The following MYO1D variants were observed in gnomAD, a reference collection of about 807,000 sequenced individuals.
MYO1D encodes myosin ID, also known as unconventional myosin-Id.
MYO1D carries 83 observed loss-of-function variants against 122.0 expected under a neutral mutation model. That is an observed-to-expected ratio of 0.68 (90% CI 0.57 to 0.82). MYO1D has a LOEUF of 0.82. Ranked by LOEUF, MYO1D falls within the 40% of genes least tolerant of loss-of-function variation. The pLI is 0.00. For missense variants in MYO1D, 1,157 were observed against 1,269.5 expected (o/e 0.91, Z 1.35); for synonymous variants, 464 against 446.9 (o/e 1.04, Z -0.48).
chr17:32,831,612 A>G (rs1374422678), intron 1 of MYO1D, among the ~76,000 whole-genome samples: 2 of 152,274 alleles, frequency 1.3e-5, no homozygotes, highest in African/African-American at 4.8e-5. Context: ...AAATCTAAAT[A>G]AACAAGGTAA....
At chr17:32,597,367 T>C (rs867342544) in intron 21 of MYO1D, among the ~76,000 whole-genome samples, 1 of 152,290 alleles carries the variant, frequency 6.6e-6, no homozygotes, top group Middle Eastern at 3.4e-3. Flanking sequence ...TTCCCAGATA[T>C]AGCCTGTATT....
At chr17:32,521,824 C>T (rs1222029041) in intron 21 of MYO1D, among the ~76,000 whole-genome samples, 1 of 152,118 alleles carries the variant, frequency 6.6e-6, no homozygotes, top group Admixed American at 6.5e-5. Context: ...TGGCTCACGC[C>T]TGTAATCCCC....
intron 16 of MYO1D, among the ~76,000 whole-genome samples, chr17:32,677,958 A>C (rs970216729): frequency 6.6e-6 from 1 of 152,166 alleles, no homozygotes; most frequent in African/African-American, 2.4e-5. Flanking sequence ...GTGTCCTTCC[A>C]GAAAACCAAA....
rs556131372 is a variant in MYO1D, at chr17:32,642,064, G to T, written c.2596-3229C>A. Among the ~76,000 whole-genome samples, 4 of 152,272 alleles carry T rather than the reference G, an allele frequency of 2.6e-5. No individual in the cohort carries two copies. In the South Asian group the frequency reaches 6.2e-4, roughly 24 times the overall value. On this transcript the variant is annotated intron_variant, in intron 19 of 21. Transcript: ENST00000318217. ...TCTTCTAGGGTTTTTATGGTTTTAG[G>T]TCTAACATTTTAGTCTTTAATCCAT...
chr17:32,780,100 T>C (rs1301733371), intron 2 of MYO1D, among the ~76,000 whole-genome samples: 1 of 152,146 alleles, frequency 6.6e-6, no homozygotes, highest in Non-Finnish European at 1.5e-5. Flanking sequence ...TCCCCCCTTG[T>C]TGGGCTTCAA....
intron 20 of MYO1D, among the ~76,000 whole-genome samples, chr17:32,638,055 G>A (rs1419119940): frequency 2.0e-5 from 3 of 152,154 alleles, no homozygotes; most frequent in Non-Finnish European, 4.4e-5. Flanking sequence ...CACCTGACAC[G>A]TGAAAAGATC....
chr17:32,501,150 G>A (rs1484449673), intron 21 of MYO1D, among the ~76,000 whole-genome samples: 2 of 152,130 alleles, frequency 1.3e-5, no homozygotes, highest in African/African-American at 4.8e-5. Flanking sequence ...ATACATGAAT[G>A]TTCATGGCAG....
chr17:32,742,862 C>T (rs2151005359), intron 13 of MYO1D, among the ~76,000 whole-genome samples: 1 of 152,272 alleles, frequency 6.6e-6, no homozygotes, highest in African/African-American at 2.4e-5. Context: ...TCTCTATATT[C>T]TCATTTCCTG....
At chr17:32,522,081 C>CAA (rs35096680) in intron 21 of MYO1D, among the ~76,000 whole-genome samples, 313 of 63,116 alleles carry the variant, frequency 5.0e-3, no homozygotes, top group East Asian at 6.4e-3. Flanking sequence ...GACTCTGTCT[C>CAA]AAAAAAAAAA....
chr17:32,540,747 G>A (rs1314615076), intron 21 of MYO1D, among the ~76,000 whole-genome samples: 3 of 151,892 alleles, frequency 2.0e-5, no homozygotes, highest in Admixed American at 6.6e-5. Flanking sequence ...ACAACATGGT[G>A]AAACCCCGTC....
chr17:32,652,886 A>T (rs1175851815), intron 19 of MYO1D, among the ~76,000 whole-genome samples: 2 of 152,236 alleles, frequency 1.3e-5, no homozygotes, highest in African/African-American at 4.8e-5. Context: ...TCACGCCTGT[A>T]ATCCCAGCAC....
At chr17:32,508,256 T>C (rs1206766420) in intron 21 of MYO1D, among the ~76,000 whole-genome samples, 3 of 151,768 alleles carry the variant, frequency 2.0e-5, no homozygotes, top group Non-Finnish European at 4.4e-5. Flanking sequence ...ACATTTCTGT[T>C]GTTCAAGCCA....
intron 14 of MYO1D, among the ~76,000 whole-genome samples, chr17:32,726,110 T>A (rs1319510846): frequency 6.6e-6 from 1 of 152,166 alleles, no homozygotes; most frequent in Non-Finnish European, 1.5e-5. Context: ...AAGAAAATGA[T>A]CCCAGATGGA....
intron 16 of MYO1D, among the ~76,000 whole-genome samples, chr17:32,661,591 G>C (rs973737268): frequency 6.6e-6 from 1 of 151,886 alleles, no homozygotes; most frequent in African/African-American, 2.4e-5. Context: ...GGAAGTTGAG[G>C]CTATAGTGAG....
intron 19 of MYO1D, among the ~76,000 whole-genome samples, chr17:32,652,131 G>T (rs1241829231): frequency 6.6e-6 from 1 of 152,076 alleles, no homozygotes; most frequent in Non-Finnish European, 1.5e-5. Context: ...AGATATATTT[G>T]TAGGGTAAAT....
chr17:32,613,768 C>A (rs1244705663), intron 20 of MYO1D, among the ~76,000 whole-genome samples: 2 of 110,134 alleles, frequency 1.8e-5, no homozygotes, highest in Non-Finnish European at 1.7e-5. Flanking sequence ...CCAGCCTGGG[C>A]GACAGAGCAA....
At chr17:32,641,095 CCCA>C (rs1238320094) in intron 19 of MYO1D, among the ~76,000 whole-genome samples, 1 of 119,794 alleles carries the variant, frequency 8.3e-6, no homozygotes, top group African/African-American at 3.1e-5. Flanking sequence ...CTCCCCCCAC[CCCA>C]CAACAGGCCC....
chr17:32,832,879 T>C (rs2090785928), intron 1 of MYO1D, among the ~76,000 whole-genome samples: 1 of 152,220 alleles, frequency 6.6e-6, no homozygotes, highest in South Asian at 2.1e-4. Flanking sequence ...CAGCTTAATT[T>C]ATCTGATCTA....
At position 32,521,765 on chromosome 17, in the gene MYO1D, T is replaced by C. The variant is rs117553635; in HGVS notation, c.2865-26850A>G. On this transcript the variant is annotated intron_variant, in intron 21 of 21. Coordinates refer to ENST00000318217, the MANE Select transcript of MYO1D (RefSeq NM_015194.3). ...GAGTTCAAGACCAGCCTGACTAACATGGTGAAAACTCTTCTCTACTAAAAA... is the reference window on the plus strand; with the variant it reads ...GAGTTCAAGACCAGCCTGACTAACACGGTGAAAACTCTTCTCTACTAAAAA... Among the ~76,000 whole-genome samples the C allele has an allele frequency of 4.1e-3, 622 of 151,910 alleles. 3 individuals are homozygous for C. Among genetic ancestry groups the C allele is most frequent in the Admixed American group, 6.6e-3 (101 of 15,254 alleles).
Sources: allele counts gnomAD v4.1 joint callset (sites outside exome capture counted in the v4.1 genomes callset), GRCh38; gene constraint gnomAD v4.1.1; transcripts MANE v1.5; gene names NCBI Gene and HGNC (gene_info 2026-07-23, HGNC 2026-07-21).